Variants in PDCD1LG2 observed in about 807,000 individuals in gnomAD.
PDCD1LG2 encodes the protein B7 dendritic cell molecule.
Under a neutral mutation model 28.2 loss-of-function variants are expected in PDCD1LG2, and 32 were observed. The observed-to-expected ratio is 1.13, with a 90% CI of 0.86 to 1.52. The LOEUF (loss-of-function observed/expected upper bound fraction) is 1.52, where lower values mean the gene tolerates loss of function less well. Ranked by LOEUF, PDCD1LG2 falls within the 40% of genes most tolerant of loss-of-function variation. The probability of loss-of-function intolerance (pLI) is 0.00; values close to 1 mark genes in which losing one functional copy is unlikely to be tolerated. For missense variants in PDCD1LG2, 385 were observed against 323.8 expected (o/e 1.19, Z -1.45); for synonymous variants, 116 against 120.2 (o/e 0.97, Z 0.23).
At chr9:5,548,412 T>C (rs1295614538) in intron 3 of PDCD1LG2, among the ~76,000 whole-genome samples, 2 of 152,222 alleles carry the variant, frequency 1.3e-5, no homozygotes, top group Non-Finnish European at 2.9e-5. Context: ...GATGGACATT[T>C]AGTTTGGTTC....
chr9:5,555,153 G>A (rs1816411982), intron 4 of PDCD1LG2, among the ~76,000 whole-genome samples: 1 of 152,164 alleles, frequency 6.6e-6, no homozygotes, highest in Admixed American at 6.5e-5. Context: ...GGTGGCTCAT[G>A]CCTGTAATCC....
Position 5,514,353 on chromosome 9 carries a change from G to C in PDCD1LG2, c.-15+3550G>C, listed in dbSNP as rs1020462075. Among the ~76,000 whole-genome samples, 6 of 152,156 alleles carry C rather than the reference G, an allele frequency of 3.9e-5. 1 individual carries two copies. Among genetic ancestry groups the C allele is most frequent in the Non-Finnish European group, 8.8e-5 (6 of 68,026 alleles). Reference sequence around the variant, plus strand: ...TATTTCATCTATCAGTTTGGAAATAGATCTCCACAGACAGTAGAAATGGCA... The same window carrying C: ...TATTTCATCTATCAGTTTGGAAATACATCTCCACAGACAGTAGAAATGGCA... On this transcript the variant is annotated intron_variant, in intron 1 of 6. Coordinates refer to ENST00000397747, the MANE Select transcript of PDCD1LG2 (RefSeq NM_025239.4).
intron 1 of PDCD1LG2, among the ~76,000 whole-genome samples, chr9:5,517,723 T>C (rs1820194527): frequency 1.3e-5 from 2 of 152,122 alleles, no homozygotes; most frequent in African/African-American, 2.4e-5. Flanking sequence ...CTGACCGATA[T>C]GGAAGCAGTG....
Position 5,531,311 on chromosome 9 carries a change from A to G in PDCD1LG2, c.56-3434A>G, listed in dbSNP as rs140746210. 8.5e-3 allele frequency among the ~76,000 whole-genome samples: 1,295 copies of G among 152,326 alleles called. 15 individuals are homozygous for G. The highest frequency in any genetic ancestry group is 0.03 in the African/African-American group (1,240 of 41,564). On this transcript the variant is annotated intron_variant, in intron 2 of 6. Coordinates refer to ENST00000397747, the MANE Select transcript of PDCD1LG2 (RefSeq NM_025239.4). ...GCAAGAATGTTTCAGGATTTCAAAA[A>G]TCTATTGCATTGCCTAAACCTCTTA...
intron 1 of PDCD1LG2, among the ~76,000 whole-genome samples, chr9:5,517,495 G>A (rs1327337833): frequency 6.6e-6 from 1 of 152,176 alleles, no homozygotes; most frequent in Non-Finnish European, 1.5e-5. Context: ...TAAAGCATGG[G>A]GTCCAGGACA....
At chr9:5,556,847 GC>G (rs1346850074) in intron 4 of PDCD1LG2, among the ~76,000 whole-genome samples, 1 of 152,128 alleles carries the variant, frequency 6.6e-6, no homozygotes, top group Non-Finnish European at 1.5e-5. Flanking sequence ...TCAGTCTGGA[GC>G]CCTTGTTCTA....
intron 4 of PDCD1LG2, 134 bp from the exon 5 acceptor site, chr9:5,557,484 T>G: frequency 2.9e-6 from 3 of 1,043,450 alleles, no homozygotes; most frequent in Non-Finnish European, 4.3e-6. Flanking sequence ...GCAGAGCACT[T>G]AGAATAGGGC....
chr9:5,548,192 C>G (rs1175935075), intron 3 of PDCD1LG2, among the ~76,000 whole-genome samples: 1 of 152,174 alleles, frequency 6.6e-6, no homozygotes, highest in Non-Finnish European at 1.5e-5. Flanking sequence ...AACCACCTTT[C>G]TACTCTGTTT....
At chr9:5,552,051 AC>A in intron 4 of PDCD1LG2, among the ~76,000 whole-genome samples, 1 of 152,222 alleles carries the variant, frequency 6.6e-6, no homozygotes, top group Middle Eastern at 3.4e-3. Flanking sequence ...TGATAGGGTG[AC>A]CCAGACTTAA....
chr9:5,553,974 T>A (rs1231755141), intron 4 of PDCD1LG2, among the ~76,000 whole-genome samples: 1 of 152,070 alleles, frequency 6.6e-6, no homozygotes, highest in African/African-American at 2.4e-5. Flanking sequence ...TTTTTCCACA[T>A]AAATATCATT....
intron 3 of PDCD1LG2, among the ~76,000 whole-genome samples, chr9:5,543,874 G>A (rs367827838): frequency 6.6e-6 from 1 of 150,474 alleles, no homozygotes; most frequent in Non-Finnish European, 1.5e-5. Context: ...TCAATGGGGT[G>A]GGGGGGAGGG....
intron 2 of PDCD1LG2, among the ~76,000 whole-genome samples, chr9:5,530,523 G>A (rs957134781): frequency 1.3e-5 from 2 of 151,894 alleles, no homozygotes; most frequent in African/African-American, 4.8e-5. Flanking sequence ...CATGCCAGTG[G>A]ATATATAGTC....
intron 5 of PDCD1LG2, among the ~76,000 whole-genome samples, chr9:5,560,799 AG>A (rs1033178263): frequency 6.6e-6 from 1 of 152,098 alleles, no homozygotes; most frequent in African/African-American, 2.4e-5. Context: ...CCTATACCTC[AG>A]TGACTAGCTC....
In PDCD1LG2 at chr9:5,569,993, T is replaced by C; in HGVS notation, c.*34T>C. The C allele has an allele frequency of 6.2e-7, 1 of 1,613,906 alleles. No homozygotes were observed. Among genetic ancestry groups the C allele is most frequent in the Non-Finnish European group, 8.5e-7 (1 of 1,179,774 alleles). The stretch of plus-strand genomic sequence containing the variant: ...TCTTGGGAGCCAGGGTGACCTGATA[T>C]GACATCTAAAGAAGCTTCTGGACTC... On this transcript the variant is annotated 3_prime_UTR_variant, in exon 7 of 7. Transcript: ENST00000397747. This position sits in a 1 kb window ranked among gnomAD's most constrained non-coding sequence, Gnocchi z 4.1.
chr9:5,564,276 C>T (rs933972373), intron 6 of PDCD1LG2, among the ~76,000 whole-genome samples: 1 of 152,184 alleles, frequency 6.6e-6, no homozygotes, highest in African/African-American at 2.4e-5. Flanking sequence ...TTTAGTTCAG[C>T]AGGATTTTTC....
chr9:5,546,570 G>A (rs778247339), intron 3 of PDCD1LG2, among the ~76,000 whole-genome samples: 1 of 152,154 alleles, frequency 6.6e-6, no homozygotes, highest in Non-Finnish European at 1.5e-5. Flanking sequence ...CTGCTTCAGT[G>A]TCTGAATTGC....
rs1428033279 is a variant in PDCD1LG2, at chr9:5,534,941, G to C, written c.252G>C (p.Lys84Asn). 4 of 1,614,116 alleles carry C rather than the reference G, an allele frequency of 2.5e-6. No homozygotes were observed. The highest frequency in any genetic ancestry group is 2.5e-6 in the Non-Finnish European group (3 of 1,180,016). The change falls in exon 3 of 7, where the codon AAG (lysine) becomes AAC (asparagine). Residue 84 changes from lysine to asparagine, a missense_variant. Physicochemically the swap from Lys to Asn is moderately conservative, Grantham distance 94 (BLOSUM62 0). Transcript: ENST00000397747. ...TGGAGGAGCAGCTGCCCCTAGGGAA[G>C]GCCTCGTTCCACATACCTCAAGTCC... ...TLLEEQLPLG[K>N]ASFHIPQVQV... is the part of the protein sequence containing the mutation.
chr9:5,538,322 A>C (rs1222176877), intron 3 of PDCD1LG2, among the ~76,000 whole-genome samples: 2 of 152,070 alleles, frequency 1.3e-5, no homozygotes, highest in Non-Finnish European at 2.9e-5. Context: ...AAAATATGTA[A>C]TATTGTTTTA....
rs140177846 is a variant in PDCD1LG2, at chr9:5,547,148, A to G, written c.362-2187A>G. On this transcript the variant is annotated intron_variant, in intron 3 of 6. Coordinates refer to ENST00000397747, the MANE Select transcript of PDCD1LG2 (RefSeq NM_025239.4). ...ACACATAGAAAACAATAAGTAAATC[A>G]TACACATCAGATGGTTTTCACATGG... is the stretch of plus-strand genomic sequence containing the variant. Among the ~76,000 whole-genome samples the G allele has an allele frequency of 8.3e-3, 1,262 of 152,338 alleles. 20 individuals are homozygous for G. Among genetic ancestry groups the G allele is most frequent in the African/African-American group, 0.028 (1,178 of 41,578 alleles).
Sources: allele counts gnomAD v4.1 joint callset (sites outside exome capture counted in the v4.1 genomes callset), GRCh38; gene constraint gnomAD v4.1.1; non-coding constraint Gnocchi (gnomAD v3.1); transcripts MANE v1.5; gene names NCBI Gene and HGNC (gene_info 2026-07-23, HGNC 2026-07-21).